SLC24A2: variants seen among roughly 807,000 people sequenced by gnomAD.
SLC24A2 encodes the protein solute carrier family 24 member 2.
A neutral mutation model predicts 62.0 loss-of-function variants in SLC24A2; 36 were observed. The observed-to-expected ratio is 0.58, with a 90% CI of 0.44 to 0.77. SLC24A2 has a LOEUF of 0.77. Ranked by LOEUF, SLC24A2 falls within the 30% of genes least tolerant of loss-of-function variation. The pLI is 0.00. For missense variants in SLC24A2, 846 were observed against 817.9 expected (o/e 1.03, Z -0.42); for synonymous variants, 358 against 294.0 (o/e 1.22, Z -2.23).
At chr9:20,214,707 T>C in the SLC24A2 span, among the ~76,000 whole-genome samples, 4 of 152,238 alleles carry the variant, frequency 2.6e-5, no homozygotes, top group Non-Finnish European at 5.9e-5. Context: ...GTTTGTTACA[T>C]TCTGCTGTTA....
At chr9:19,921,817 G>A in the SLC24A2 span, among the ~76,000 whole-genome samples, 1 of 152,072 alleles carries the variant, frequency 6.6e-6, no homozygotes, top group African/African-American at 2.4e-5. Flanking sequence ...AAGCCCTGCT[G>A]GCAATTCACA....
At chr9:19,909,757 A>G in the SLC24A2 span, among the ~76,000 whole-genome samples, 67,656 of 151,926 alleles carry the variant, frequency 0.45, 15,619 homozygotes, top group South Asian at 0.61. Context: ...ACGAAGACAG[A>G]AAACCCTTCC....
chr9:19,817,457 A>G, the SLC24A2 span, among the ~76,000 whole-genome samples: 2 of 151,848 alleles, frequency 1.3e-5, no homozygotes, highest in East Asian at 1.9e-4. Flanking sequence ...ATATATCTAT[A>G]TGCAATATAT....
the SLC24A2 span, among the ~76,000 whole-genome samples, chr9:20,227,551 A>G: frequency 1.3e-5 from 2 of 151,940 alleles, no homozygotes; most frequent in South Asian, 2.1e-4. Flanking sequence ...AAAAAAAAAA[A>G]AAGGCTAAGC....
intron 2 of SLC24A2, among the ~76,000 whole-genome samples, chr9:19,636,336 TTTCTTTCTTTC>T (rs1818340950): frequency 9.0e-5 from 3 of 33,496 alleles, no homozygotes; most frequent in Non-Finnish European, 1.7e-4. Context: ...TCTTTCTTTC[TTTCTTTCTTTC>T]TTTCTTTCTT....
chr9:19,617,386 T>C (rs1359280148), intron 4 of SLC24A2, among the ~76,000 whole-genome samples: 1 of 152,182 alleles, frequency 6.6e-6, no homozygotes, highest in African/African-American at 2.4e-5. Flanking sequence ...CCAACTGCCA[T>C]CTAACATGTT....
chr9:19,949,158 T>C, the SLC24A2 span, among the ~76,000 whole-genome samples: 6 of 152,052 alleles, frequency 3.9e-5, no homozygotes, highest in South Asian at 4.1e-4. Context: ...CATGCCTGGC[T>C]AATTTTTATA....
At chr9:20,052,761 A>C in the SLC24A2 span, among the ~76,000 whole-genome samples, 1 of 152,186 alleles carries the variant, frequency 6.6e-6, no homozygotes. Flanking sequence ...AAATTTGGAA[A>C]TGTAGACTCT....
At chr9:19,704,311 A>G (rs1272543264) in intron 2 of SLC24A2, among the ~76,000 whole-genome samples, 1 of 152,254 alleles carries the variant, frequency 6.6e-6, no homozygotes, top group African/African-American at 2.4e-5. Context: ...GGGTGATTTC[A>G]TAATTAGTTC....
chr9:20,215,826 T>C, the SLC24A2 span, among the ~76,000 whole-genome samples: 27 of 152,274 alleles, frequency 1.8e-4, no homozygotes, highest in African/African-American at 6.5e-4. Context: ...CCAGCCACTA[T>C]GTTTGGTCCA....
chr9:19,676,020 T>C (rs922307261), intron 2 of SLC24A2, among the ~76,000 whole-genome samples: 11 of 152,204 alleles, frequency 7.2e-5, no homozygotes, highest in African/African-American at 2.7e-4. Flanking sequence ...ATGGCTTCCC[T>C]GGGGACCAAG....
the SLC24A2 span, among the ~76,000 whole-genome samples, chr9:20,267,476 G>A: frequency 6.6e-6 from 1 of 152,178 alleles, no homozygotes. Context: ...CAGCTACACT[G>A]TCCTGTCAGG....
chr9:20,240,522 G>C, the SLC24A2 span, among the ~76,000 whole-genome samples: 3 of 152,320 alleles, frequency 2.0e-5, no homozygotes, highest in East Asian at 1.9e-4. Context: ...TAAGAAGTAG[G>C]GGGTGAAGGC....
chr9:19,688,932 A>T (rs1819964114), intron 2 of SLC24A2, among the ~76,000 whole-genome samples: 1 of 152,146 alleles, frequency 6.6e-6, no homozygotes, highest in Non-Finnish European at 1.5e-5. Context: ...ACCTCAGTCC[A>T]AATTTTACCC....
At chr9:19,563,470 T>C (rs955877219) in intron 7 of SLC24A2, among the ~76,000 whole-genome samples, 1 of 152,316 alleles carries the variant, frequency 6.6e-6, no homozygotes, top group African/African-American at 2.4e-5. Context: ...ACTTAAATGT[T>C]TGCTTACTAA....
chr9:19,834,926 T>C, the SLC24A2 span, among the ~76,000 whole-genome samples: 1 of 152,234 alleles, frequency 6.6e-6, no homozygotes, highest in African/African-American at 2.4e-5. Context: ...ATATTCAACA[T>C]TCTTAAAGAA....
the SLC24A2 span, among the ~76,000 whole-genome samples, chr9:20,295,053 T>TATAC: frequency 6.9e-5 from 10 of 144,426 alleles, no homozygotes; most frequent in South Asian, 2.3e-4. Context: ...TATATATATA[T>TATAC]ACACACACAC....
intron 8 of SLC24A2, among the ~76,000 whole-genome samples, chr9:19,531,022 T>C (rs1833682691): frequency 6.6e-6 from 1 of 152,116 alleles, no homozygotes; most frequent in Non-Finnish European, 1.5e-5. Flanking sequence ...ATGATCATCA[T>C]ACCAGGCTCT....
At chr9:20,220,910 A>C in the SLC24A2 span, among the ~76,000 whole-genome samples, 1 of 152,156 alleles carries the variant, frequency 6.6e-6, no homozygotes, top group African/African-American at 2.4e-5. Context: ...AATTAACCTA[A>C]GCAAAATTTA....
Sources: allele counts gnomAD v4.1 joint callset (sites outside exome capture counted in the v4.1 genomes callset), GRCh38; gene constraint gnomAD v4.1.1; transcripts MANE v1.5; gene names NCBI Gene and HGNC (gene_info 2026-07-23, HGNC 2026-07-21).